CNOT11: variants seen among roughly 807,000 people sequenced by gnomAD.
CNOT11 encodes UPF0760 protein C2orf29.
In CNOT11, 18 loss-of-function variants were observed where a neutral mutation model predicts 44.6. The observed-to-expected ratio is 0.40, with a 90% confidence interval of 0.28 to 0.60. The LOEUF (loss-of-function observed/expected upper bound fraction) is 0.60. Ranked by LOEUF, CNOT11 falls within the 20% of genes least tolerant of loss-of-function variation. The probability of loss-of-function intolerance (pLI) is 0.38; values close to 1 mark genes in which losing one functional copy is unlikely to be tolerated. For missense variants in CNOT11, 513 were observed against 677.0 expected (o/e 0.76, Z 2.69); for synonymous variants, 291 against 270.9 (o/e 1.07, Z -0.73).
At chr2:101,257,283 C>T (rs1324619106) in intron 1 of CNOT11, among the ~76,000 whole-genome samples, 1 of 151,364 alleles carries the variant, frequency 6.6e-6, no homozygotes, top group African/African-American at 2.4e-5. Flanking sequence ...ATCCCAGCTA[C>T]TTGGGAGGCT....
chr2:101,266,721 T>C lies in CNOT11; in HGVS notation c.1080T>C (p.Ile360=). 6.2e-7 allele frequency: 1 copy of C among 1,614,188 alleles called. No homozygotes were observed. Among genetic ancestry groups the C allele is most frequent in the Non-Finnish European group, 8.5e-7 (1 of 1,180,016 alleles). ...LEKDPKLVYH[I]GLTPAKLPDL... is the part of the protein sequence containing the mutation. Reference sequence around the variant, plus strand: ...AAGACCCCAAACTTGTCTACCATATTGGCCTCACCCCAGCCAAACTTCCTG... The same window carrying C: ...AAGACCCCAAACTTGTCTACCATATCGGCCTCACCCCAGCCAAACTTCCTG... Residue 360 remains isoleucine (I), a synonymous_variant, in exon 5 of 7, where the codon ATT becomes ATC. Transcript: ENST00000289382.
intron 5 of CNOT11, among the ~76,000 whole-genome samples, chr2:101,267,275 A>G (rs1239436709): frequency 6.6e-6 from 1 of 151,992 alleles, no homozygotes; most frequent in Non-Finnish European, 1.5e-5. Context: ...GGTGTGTGCT[A>G]CCACACCCGA....
chr2:101,257,551 C>T (rs993507160), intron 1 of CNOT11, among the ~76,000 whole-genome samples: 2 of 152,064 alleles, frequency 1.3e-5, no homozygotes, highest in Non-Finnish European at 2.9e-5. Context: ...TTCTTTAACT[C>T]TTACAGTTAA....
Position 101,266,835 on chromosome 2 carries a change from G to C in CNOT11, c.1194G>C (p.Leu398=). 1 of 1,613,790 alleles carries C rather than the reference G, an allele frequency of 6.2e-7. No homozygotes were observed. The highest frequency in any genetic ancestry group is 8.5e-7 in the Non-Finnish European group (1 of 1,179,764). The change falls in exon 5 of 7, where the codon CTG becomes CTC. Residue 398 remains leucine, a synonymous_variant. Transcript: ENST00000289382. ...AGATCACTGAGTATTTCTCTGTCCT[G>C]GTCAATATGGACATGTCTTTACATT... is the stretch of plus-strand genomic sequence containing the variant. ...SSQITEYFSV[L]VNMDMSLHSM... is the part of the protein sequence containing the mutation.
chr2:101,255,811 G>A (rs1463991441), intron 1 of CNOT11, among the ~76,000 whole-genome samples: 1 of 152,094 alleles, frequency 6.6e-6, no homozygotes, highest in East Asian at 1.9e-4. Context: ...GCAGGAGGGA[G>A]GGCAGGAGTA....
intron 2 of CNOT11, 79 bp downstream of exon 2, chr2:101,258,034 G>GT (rs1427151968): frequency 3.7e-6 from 5 of 1,366,742 alleles, no homozygotes; most frequent in Admixed American, 2.3e-5. Context: ...CTAAAATGAT[G>GT]TTTTTTGTAA....
chr2:101,255,173 G>A (rs1352603018), intron 1 of CNOT11, among the ~76,000 whole-genome samples: 1 of 152,202 alleles, frequency 6.6e-6, no homozygotes, highest in Non-Finnish European at 1.5e-5. Flanking sequence ...ACAATTCCCA[G>A]CTGGTAGAGT....
At chr2:101,256,168 G>C (rs11687939) in intron 1 of CNOT11, among the ~76,000 whole-genome samples, 1 of 151,390 alleles carries the variant, frequency 6.6e-6, no homozygotes, top group Non-Finnish European at 1.5e-5. Flanking sequence ...GAAGTTGAGG[G>C]ATTTTGTGCA....
At position 101,269,444 on chromosome 2, in the gene CNOT11, T is replaced by C; in HGVS notation, c.*31T>C. On this transcript the variant is annotated 3_prime_UTR_variant, in exon 7 of 7. Coordinates refer to ENST00000289382, the MANE Select transcript of CNOT11 (RefSeq NM_017546.5). This position sits in a 1 kb window ranked among gnomAD's most constrained non-coding sequence, Gnocchi z 4.8. ...CATCAGAACCATCCCATCCATTCAC[T>C]GTTCAGCTGTACTGTGATTTAGTTT... 6.3e-7 allele frequency: 1 copy of C among 1,581,980 alleles called. No homozygotes were observed. The highest frequency in any genetic ancestry group is 8.7e-7 in the Non-Finnish European group (1 of 1,151,528).
chr2:101,257,113 C>T (rs998666724), intron 1 of CNOT11, among the ~76,000 whole-genome samples: 3 of 151,828 alleles, frequency 2.0e-5, no homozygotes, highest in African/African-American at 2.4e-5. Flanking sequence ...AAACACCAGG[C>T]GGGGCACGGT....
At chr2:101,266,491 TAAAATG>T (rs1423811838) in intron 4 of CNOT11, among the ~76,000 whole-genome samples, 180 bp from the exon 5 acceptor site, 1 of 152,224 alleles carries the variant, frequency 6.6e-6, no homozygotes, top group Non-Finnish European at 1.5e-5. Flanking sequence ...TGTTCAAAAT[TAAAATG>T]TAAATTTAGA....
At chr2:101,265,075 A>T in intron 4 of CNOT11, 28 bp downstream of exon 4, 1 of 1,411,716 alleles carries the variant, frequency 7.1e-7, no homozygotes, top group Non-Finnish European at 9.5e-7. Context: ...GCATTTTCTT[A>T]TCTTTTTTTT....
chr2:101,266,977 G>A (rs905059813), intron 5 of CNOT11, 98 bp downstream of exon 5: 29 of 839,732 alleles, frequency 3.5e-5, no homozygotes, highest in South Asian at 4.7e-5. Flanking sequence ...TATTATTGGC[G>A]TAAGATTAAC....
chr2:101,266,605 C>T, intron 4 of CNOT11, 72 bp from the exon 5 acceptor site: 1 of 1,151,480 alleles, frequency 8.7e-7, no homozygotes, highest in Non-Finnish European at 1.3e-6. Context: ...ATTTCATATA[C>T]ATGGGAAAAA....
At position 101,253,529 on chromosome 2, in the gene CNOT11, T is replaced by A; in HGVS notation, c.514+51T>A. On this transcript the variant is annotated intron_variant, in intron 1 of 6. Coordinates refer to ENST00000289382, the MANE Select transcript of CNOT11 (RefSeq NM_017546.5). This position sits in a 1 kb window ranked among gnomAD's most constrained non-coding sequence, Gnocchi z 4.3. ...TGTGGATAGCGTTAGATTCCGCAGC[T>A]TTCCACCTGCGCTGCTGGGAACTCA... The A allele has an allele frequency of 1.5e-6, 2 of 1,372,548 alleles. No homozygotes were observed. Among genetic ancestry groups the A allele is most frequent in the Non-Finnish European group, 9.4e-7 (1 of 1,058,566 alleles). The allele number at this position is 1,372,548 out of a possible 1,614,324, so 85.0% of individuals were successfully genotyped here.
chr2:101,258,541 T>C (rs1681784358), intron 2 of CNOT11, among the ~76,000 whole-genome samples: 1 of 152,084 alleles, frequency 6.6e-6, no homozygotes, highest in South Asian at 2.1e-4. Context: ...GGATAAAATT[T>C]AGTGGGTTTT....
At chr2:101,267,973 C>A (rs977654820) in intron 5 of CNOT11, among the ~76,000 whole-genome samples, 5 of 152,122 alleles carry the variant, frequency 3.3e-5, no homozygotes, top group Non-Finnish European at 7.3e-5. Flanking sequence ...TTGAAAAAAT[C>A]TATGTGAAAT....
At chr2:101,266,951 CA>C in intron 5 of CNOT11, 72 bp downstream of exon 5, 1 of 1,130,904 alleles carries the variant, frequency 8.8e-7, no homozygotes. Flanking sequence ...AAAATTGTAA[CA>C]GATTTTTGTC....
At chr2:101,267,536 A>C (rs1426523153) in intron 5 of CNOT11, among the ~76,000 whole-genome samples, 1 of 152,140 alleles carries the variant, frequency 6.6e-6, no homozygotes, top group African/African-American at 2.4e-5. Flanking sequence ...TATGGACCTT[A>C]AGAGCTGAGA....
Sources: gnomAD v4.1 joint callset for allele counts (sites outside exome capture counted in the v4.1 genomes callset) on GRCh38, gnomAD v4.1.1 for gene constraint, Gnocchi (gnomAD v3.1) non-coding constraint, MANE v1.5 for transcripts, NCBI Gene and HGNC (gene_info 2026-07-23, HGNC 2026-07-21) for gene names.